TTLL7: variants seen among roughly 807,000 people sequenced by gnomAD.
TTLL7 encodes tubulin tyrosine ligase like 7.
TTLL7 carries 53 observed loss-of-function variants against 120.2 expected under a neutral mutation model. The observed-to-expected ratio is 0.44, with a 90% CI of 0.35 to 0.55. TTLL7 has a LOEUF of 0.55. TTLL7 is among the 20% of genes least tolerant of loss of function. The probability of loss-of-function intolerance (pLI) is 0.00; values close to 1 mark genes in which losing one functional copy is unlikely to be tolerated. For missense variants in TTLL7, 803 were observed against 1,054.7 expected (o/e 0.76, Z 3.31); for synonymous variants, 353 against 351.7 (o/e 1.00, Z -0.04).
At chr1:83,948,754 C>T (rs555995531) in intron 4 of TTLL7, 59 bp from the exon 5 acceptor site, 25 of 1,179,884 alleles carry the variant, frequency 2.1e-5, no homozygotes, top group East Asian at 4.8e-5. Context: ...TTCATGTATA[C>T]GACAATACAA....
At chr1:83,976,230 T>C (rs961231660) in intron 1 of TTLL7, among the ~76,000 whole-genome samples, 2 of 152,090 alleles carry the variant, frequency 1.3e-5, no homozygotes. Flanking sequence ...TATACTTACT[T>C]GTGTTTTTAT....
chr1:83,948,474 C>T (rs369527869), intron 5 of TTLL7, among the ~76,000 whole-genome samples, 154 bp downstream of exon 5: 49 of 152,266 alleles, frequency 3.2e-4, no homozygotes, highest in South Asian at 1.9e-3. Flanking sequence ...AAGACTGGAA[C>T]CAGAGACCTT....
intron 20 of TTLL7, among the ~76,000 whole-genome samples, chr1:83,870,866 G>A (rs1390135149): frequency 2.0e-5 from 3 of 150,356 alleles, no homozygotes; most frequent in East Asian, 2.0e-4. Context: ...CTGAGATCGC[G>A]CCATTGCACT....
At chr1:83,951,496 T>C (rs535923274) in intron 3 of TTLL7, among the ~76,000 whole-genome samples, 1 of 152,286 alleles carries the variant, frequency 6.6e-6, no homozygotes, top group African/African-American at 2.4e-5. Context: ...ATTTGTCAGG[T>C]CAGTCACATA....
chr1:83,892,879 A>G (rs1358313796), intron 18 of TTLL7, among the ~76,000 whole-genome samples: 2 of 141,630 alleles, frequency 1.4e-5, no homozygotes, highest in Non-Finnish European at 3.1e-5. Context: ...TAAAGAAAAG[A>G]GCAAAAAGAG....
chr1:83,867,039 T>TA lies in TTLL7; in HGVS notation c.*2922dup, dbSNP rs1439636677. ...GCAGAATGAAAATATGCTTTCATTG[T>TA]AAGTAAACCCAGTTCCCCTATTAAA... On this transcript the variant is annotated 3_prime_UTR_variant, in exon 21 of 21. Transcript: ENST00000260505. 1 of 152,034 alleles carries TA rather than the reference T, an allele frequency of 6.6e-6. No homozygotes were observed. Among genetic ancestry groups the TA allele is most frequent in the Non-Finnish European group, 1.5e-5 (1 of 67,886 alleles). 9.4% of individuals were successfully genotyped at this position (152,034 alleles called of 1,614,324 possible).
At chr1:83,974,977 C>G (rs1376489205) in intron 1 of TTLL7, among the ~76,000 whole-genome samples, 2 of 152,004 alleles carry the variant, frequency 1.3e-5, no homozygotes, top group South Asian at 2.1e-4. Context: ...AAGCAGTGCT[C>G]TCTCTTTTTA....
At chr1:83,937,761 A>G in intron 8 of TTLL7, 91 bp downstream of exon 8, 1 of 1,483,304 alleles carries the variant, frequency 6.7e-7, no homozygotes, top group Non-Finnish European at 9.3e-7. Context: ...AACCAAGTTC[A>G]ATCAACTCTT....
intron 20 of TTLL7, among the ~76,000 whole-genome samples, chr1:83,872,102 CTA>C (rs1653469492): frequency 6.6e-6 from 1 of 152,084 alleles, no homozygotes; most frequent in South Asian, 2.1e-4. Context: ...TATAATCAAA[CTA>C]TACGCAGCAT....
intron 1 of TTLL7, among the ~76,000 whole-genome samples, chr1:83,975,258 A>G (rs1386849246): frequency 6.6e-6 from 1 of 152,128 alleles, no homozygotes; most frequent in Non-Finnish European, 1.5e-5. Context: ...TCCCAGCCCC[A>G]AACTTTCTAA....
intron 4 of TTLL7, 138 bp downstream of exon 4, chr1:83,949,727 A>G (rs535646602): frequency 1.1e-6 from 1 of 884,148 alleles, no homozygotes; most frequent in African/African-American, 1.7e-5. Flanking sequence ...ATACAACTGG[A>G]TAGCAACAAA....
At chr1:83,901,604 T>G (rs1656730367) in intron 18 of TTLL7, among the ~76,000 whole-genome samples, 1 of 151,968 alleles carries the variant, frequency 6.6e-6, no homozygotes, top group Non-Finnish European at 1.5e-5. Context: ...GAAGCCAAAG[T>G]CAGCGACTTG....
intron 1 of TTLL7, 133 bp downstream of exon 1, chr1:83,998,798 C>G: frequency 3.3e-6 from 1 of 300,914 alleles, no homozygotes; most frequent in South Asian, 2.4e-5. Context: ...TTCCGCGGCT[C>G]CCAGCGGGGA....
chr1:83,891,461 C>T (rs1403564056), intron 18 of TTLL7, among the ~76,000 whole-genome samples: 1 of 152,078 alleles, frequency 6.6e-6, no homozygotes, highest in Non-Finnish European at 1.5e-5. Context: ...TAAGACATTG[C>T]TAGTGTGAGT....
rs1652900377 is a variant in TTLL7 at position 83,866,148 on chromosome 1, A to G, written c.*3814T>C. The stretch of plus-strand genomic sequence containing the variant: ...ATTAGCATTACAGAACAGAAAAGGA[A>G]AGTTTTCTGTCACTCTTGAGGTATT... On this transcript the variant is annotated 3_prime_UTR_variant, in exon 21 of 21. Transcript: ENST00000260505. 1 of 151,830 alleles carries G rather than the reference A, an allele frequency of 6.6e-6. No individual in the cohort carries two copies. The highest frequency in any genetic ancestry group is 2.1e-4 in the South Asian group (1 of 4,824). The allele number at this position is 151,830 out of a possible 1,614,324, so 9.4% of individuals were successfully genotyped here.
chr1:83,901,696 T>A (rs997454022), intron 18 of TTLL7, among the ~76,000 whole-genome samples: 34 of 151,964 alleles, frequency 2.2e-4, no homozygotes, highest in African/African-American at 7.7e-4. Context: ...CAGTGTACTC[T>A]ACGTGGCACA....
chr1:83,883,005 C>T lies in TTLL7; in HGVS notation c.2501G>A (p.Arg834Lys), dbSNP rs746380448. ...AGGACCAATGCCTGAAAGTGATCCT[C>T]TTTTGTCAGTTGCATATTTGTAAAC... ...LVVYKYATDKRGSLSGIGPDW... is the reference protein window; with the variant it reads ...LVVYKYATDKKGSLSGIGPDW... Residue 834 changes from arginine (R) to lysine (K), a missense_variant, in exon 20 of 21, where the codon AGA becomes AAA. Physicochemically the swap from Arg to Lys is conservative, Grantham distance 26. Coordinates refer to ENST00000260505, the MANE Select transcript of TTLL7 (RefSeq NM_024686.6). 1.9e-6 allele frequency: 3 copies of T among 1,612,636 alleles called. No individual in the cohort carries two copies. Among genetic ancestry groups the T allele is most frequent in the South Asian group, 2.2e-5 (2 of 90,944 alleles).
intron 1 of TTLL7, among the ~76,000 whole-genome samples, chr1:83,974,452 A>G (rs1651275234): frequency 6.6e-6 from 1 of 152,018 alleles, no homozygotes; most frequent in African/African-American, 2.4e-5. Flanking sequence ...AATAATCACA[A>G]TACATTTTCT....
At chr1:83,915,291 G>C (rs1014234875) in intron 14 of TTLL7, among the ~76,000 whole-genome samples, 1 of 152,118 alleles carries the variant, frequency 6.6e-6, no homozygotes, top group Non-Finnish European at 1.5e-5. Context: ...TACCAAAACA[G>C]AGATATAGAC....
Sources: allele counts gnomAD v4.1 joint callset (sites outside exome capture counted in the v4.1 genomes callset), GRCh38; gene constraint gnomAD v4.1.1; transcripts MANE v1.5; gene names NCBI Gene and HGNC (gene_info 2026-07-23, HGNC 2026-07-21).